NHERF2: variants seen among roughly 807,000 people sequenced by gnomAD.
The protein encoded by NHERF2 is Na(+)/H(+) exchange regulatory cofactor NHE-RF2.
At chr16:2,036,477 C>T in the NHERF2 span, 1 of 1,598,354 alleles carries the variant, frequency 6.3e-7, no homozygotes, top group East Asian at 2.3e-5. Flanking sequence ...CCGCTCTGGC[C>T]TCCGCGCCCA....
the NHERF2 span, among the ~76,000 whole-genome samples, chr16:2,031,023 C>T: frequency 5.3e-5 from 8 of 150,464 alleles, no homozygotes; most frequent in Admixed American, 1.3e-4. Flanking sequence ...GTGAGAACCG[C>T]GCTTGGGGCA....
chr16:2,032,151 C>A, the NHERF2 span, among the ~76,000 whole-genome samples: 1 of 152,016 alleles, frequency 6.6e-6, no homozygotes, highest in Non-Finnish European at 1.5e-5. This position sits in a 1 kb window ranked among gnomAD's most constrained non-coding sequence, Gnocchi z 4.0. Context: ...TGCTGAGTAG[C>A]TGGGATTACA....
chr16:2,036,401 C>T, the NHERF2 span: 1 of 1,610,096 alleles, frequency 6.2e-7, no homozygotes, highest in Non-Finnish European at 8.5e-7. Flanking sequence ...ATGGGTTCAA[C>T]CTGCATAGTG....
chr16:2,027,156 C>T, the NHERF2 span: 2 of 1,475,348 alleles, frequency 1.4e-6, no homozygotes, highest in Admixed American at 2.2e-5. Flanking sequence ...CGCCGCGCTG[C>T]GCGCTGGGGA....
chr16:2,033,669 C>T, the NHERF2 span, among the ~76,000 whole-genome samples: 1 of 152,198 alleles, frequency 6.6e-6, no homozygotes, highest in Non-Finnish European at 1.5e-5. Context: ...TGGTCCAGCT[C>T]TGTGCTGGCC....
chr16:2,027,940 C>G, the NHERF2 span, among the ~76,000 whole-genome samples: 1 of 152,362 alleles, frequency 6.6e-6, no homozygotes, highest in East Asian at 1.9e-4. Flanking sequence ...GGCACTACTC[C>G]TCCTCAGAGG....
At chr16:2,031,768 T>C in the NHERF2 span, among the ~76,000 whole-genome samples, 1 of 152,178 alleles carries the variant, frequency 6.6e-6, no homozygotes, top group Non-Finnish European at 1.5e-5. Context: ...CTTGGCTCAC[T>C]ACAACCTCCG....
the NHERF2 span, chr16:2,036,443 T>C: frequency 3.5e-5 from 56 of 1,604,792 alleles, no homozygotes; most frequent in Non-Finnish European, 4.4e-5. Flanking sequence ...ACATCCGCTC[T>C]GTGGACCCGG....
the NHERF2 span, chr16:2,027,026 G>C: frequency 1.2e-5 from 15 of 1,208,254 alleles, no homozygotes; most frequent in Non-Finnish European, 1.3e-5. Context: ...CGGAGCCGCT[G>C]CGGCCGCGCC....
At chr16:2,036,913 C>T in the NHERF2 span, 6,768 of 1,588,132 alleles carry the variant, frequency 4.3e-3, 61 homozygotes, top group African/African-American at 0.039. Flanking sequence ...AGGGTGGGTG[C>T]GGTGTGGTGG....
chr16:2,038,423 TCCCC>T, the NHERF2 span: 1 of 245,970 alleles, frequency 4.1e-6, no homozygotes, highest in Non-Finnish European at 7.5e-6. Context: ...CCCTCCCCCT[TCCCC>T]TCCCCCTTGG....
the NHERF2 span, chr16:2,038,275 G>T: frequency 5.5e-6 from 3 of 546,418 alleles, no homozygotes; most frequent in Admixed American, 6.2e-5. Flanking sequence ...GAGCGAGCGC[G>T]CGGCAGCCGC....
At chr16:2,036,945 G>A in the NHERF2 span, 37 of 1,561,594 alleles carry the variant, frequency 2.4e-5, no homozygotes, top group Non-Finnish European at 3.0e-5. Context: ...CTGACACGCT[G>A]TCCCCACAGG....
the NHERF2 span, chr16:2,037,514 C>A: frequency 6.2e-7 from 1 of 1,600,984 alleles, no homozygotes; most frequent in Admixed American, 1.7e-5. Flanking sequence ...TCTGTGAAAC[C>A]ACAATCTGCC....
chr16:2,032,760 C>T, the NHERF2 span: 1 of 977,402 alleles, frequency 1.0e-6, no homozygotes, highest in Non-Finnish European at 1.2e-6. The surrounding 1 kb of genome is among the most constrained non-coding windows in gnomAD (Gnocchi z 4.0). Context: ...TGCAGTGCAG[C>T]TGATCCTAGT....
the NHERF2 span, chr16:2,037,749 C>T: frequency 6.5e-7 from 1 of 1,549,876 alleles, no homozygotes; most frequent in African/African-American, 1.4e-5. Flanking sequence ...CTGTTGGTTG[C>T]TCCCTAGGAG....
chr16:2,036,087 G>A, the NHERF2 span: 1 of 510,062 alleles, frequency 2.0e-6, no homozygotes, highest in Non-Finnish European at 3.5e-6. Context: ...CAGCAACCCG[G>A]GAAGGCGGCT....
the NHERF2 span, among the ~76,000 whole-genome samples, chr16:2,035,226 C>G: frequency 6.6e-6 from 1 of 152,138 alleles, no homozygotes; most frequent in African/African-American, 2.4e-5. Context: ...GAGAAGGACC[C>G]CCTTGCTCCC....
At chr16:2,035,324 G>T in the NHERF2 span, 1 of 847,784 alleles carries the variant, frequency 1.2e-6, no homozygotes, top group Non-Finnish European at 1.4e-6. Context: ...TGGAGGGGTT[G>T]GGGGTGTCTG....
Sources: allele counts gnomAD v4.1 joint callset (sites outside exome capture counted in the v4.1 genomes callset), GRCh38; gene constraint gnomAD v4.1.1; non-coding constraint Gnocchi (gnomAD v3.1); transcripts MANE v1.5; gene names NCBI Gene and HGNC (gene_info 2026-07-23, HGNC 2026-07-21).